CHN2: variants seen among roughly 807,000 people sequenced by gnomAD.
CHN2 encodes the protein chimerin 2.
CHN2 carries 35 observed loss-of-function variants against 56.3 expected under a neutral mutation model. That is an observed-to-expected ratio of 0.62 (90% CI 0.47 to 0.82). CHN2 has a LOEUF of 0.82. Ranked by LOEUF, CHN2 falls within the 40% of genes least tolerant of loss-of-function variation. The pLI is 0.00. For synonymous variants in CHN2, 210 were observed against 212.8 expected (o/e 0.99, Z 0.12); for missense variants, 491 against 580.5 (o/e 0.85, Z 1.58).
chr7:29,399,279 G>C (rs774085153), intron 5 of CHN2, among the ~76,000 whole-genome samples: 2 of 152,166 alleles, frequency 1.3e-5, no homozygotes, highest in Non-Finnish European at 2.9e-5. Context: ...CATGTTGAAG[G>C]AAGGGCTCCT....
chr7:29,203,158 T>A (rs983072611), intron 1 of CHN2, among the ~76,000 whole-genome samples: 14 of 152,178 alleles, frequency 9.2e-5, no homozygotes, highest in Non-Finnish European at 2.1e-4. Flanking sequence ...ATTGAATATA[T>A]GTTTAGGTGA....
intron 1 of CHN2, among the ~76,000 whole-genome samples, chr7:29,262,308 A>G (rs4722893): frequency 0.15 from 22,271 of 152,304 alleles, 2,469 homozygotes; most frequent in East Asian, 0.46. Flanking sequence ...AGAATATTTC[A>G]TATCACAAAT....
intron 6 of CHN2, among the ~76,000 whole-genome samples, chr7:29,437,249 G>A (rs1783293806): frequency 6.6e-6 from 1 of 152,182 alleles, no homozygotes; most frequent in South Asian, 2.1e-4. Flanking sequence ...ATCTGTACCT[G>A]ACCTAGTAGA....
chr7:29,283,876 C>T (rs1342848493), intron 1 of CHN2, among the ~76,000 whole-genome samples: 1 of 148,604 alleles, frequency 6.7e-6, no homozygotes, highest in African/African-American at 2.5e-5. Flanking sequence ...CTCTGCCTCC[C>T]AAAATGTTGG....
intron 1 of CHN2, among the ~76,000 whole-genome samples, chr7:29,290,952 C>T (rs1430687060): frequency 6.6e-6 from 1 of 152,100 alleles, no homozygotes; most frequent in Non-Finnish European, 1.5e-5. Flanking sequence ...TGTGGTTAGA[C>T]CTTTGACTTG....
At chr7:29,376,649 G>C (rs184699635) in intron 3 of CHN2, among the ~76,000 whole-genome samples, 1 of 152,280 alleles carries the variant, frequency 6.6e-6, no homozygotes, top group East Asian at 1.9e-4. Context: ...TAATCCCTTA[G>C]GATAGAAGAC....
At chr7:29,337,858 A>G (rs1796744313) in intron 1 of CHN2, among the ~76,000 whole-genome samples, 1 of 152,156 alleles carries the variant, frequency 6.6e-6, no homozygotes, top group Non-Finnish European at 1.5e-5. Flanking sequence ...AGTGTTGCTA[A>G]TGCAGTGCGT....
At chr7:29,254,330 G>A (rs1788890691) in intron 1 of CHN2, among the ~76,000 whole-genome samples, 1 of 152,230 alleles carries the variant, frequency 6.6e-6, no homozygotes, top group Non-Finnish European at 1.5e-5. Flanking sequence ...TGAATTAATG[G>A]AGGAGACTAG....
intron 6 of CHN2, among the ~76,000 whole-genome samples, chr7:29,411,669 C>G (rs1585304292): frequency 6.6e-6 from 1 of 152,188 alleles, no homozygotes. Flanking sequence ...CTTTCACCCT[C>G]TTTCTGCTTG....
chr7:29,494,972 A>AAAT (rs1789106352), intron 7 of CHN2, among the ~76,000 whole-genome samples: 2 of 150,598 alleles, frequency 1.3e-5, no homozygotes, highest in South Asian at 4.2e-4. Flanking sequence ...AAAAAAAAAA[A>AAAT]AAAAAAAAAT....
chr7:29,471,862 C>T (rs1016746628), intron 6 of CHN2, among the ~76,000 whole-genome samples: 8 of 152,138 alleles, frequency 5.3e-5, no homozygotes, highest in African/African-American at 1.4e-4. Flanking sequence ...GCAGGAAAGA[C>T]GGCAGGTCCC....
chr7:29,294,777 T>C (rs753629745), intron 1 of CHN2, among the ~76,000 whole-genome samples: 18 of 152,234 alleles, frequency 1.2e-4, no homozygotes, highest in Non-Finnish European at 2.2e-4. Flanking sequence ...CCTCCCTGCC[T>C]GTTCTCACGT....
intron 3 of CHN2, among the ~76,000 whole-genome samples, chr7:29,391,585 G>A (rs1801376078): frequency 6.6e-6 from 1 of 152,146 alleles, no homozygotes; most frequent in Non-Finnish European, 1.5e-5. Context: ...TTCATTTTCA[G>A]AAGATTTGTC....
rs183756403 is a variant in CHN2 at position 29,268,722 on chromosome 7, C to G, written c.49+73732C>G. Among the ~76,000 whole-genome samples, 450 of 152,278 alleles carry G rather than the reference C, an allele frequency of 3.0e-3. 3 individuals carry two copies. Among genetic ancestry groups the G allele is most frequent in the African/African-American group, 0.01 (429 of 41,560 alleles). On this transcript the variant is annotated intron_variant, in intron 1 of 12. Transcript: ENST00000222792. ...GGCTGCTGGGAGCCAAGGCCCTGCACGAGGCACAGCTCTCTCCCCAACACC... is the reference window on the plus strand; with the variant it reads ...GGCTGCTGGGAGCCAAGGCCCTGCAGGAGGCACAGCTCTCTCCCCAACACC...
chr7:29,169,715 T>C (rs939106425), intron 2 of CHN2, among the ~76,000 whole-genome samples: 1 of 152,062 alleles, frequency 6.6e-6, no homozygotes, highest in Admixed American at 6.6e-5. Context: ...ACACATTTGA[T>C]CCAGAAAAGC....
At chr7:29,421,452 A>C (rs1330736879) in intron 6 of CHN2, among the ~76,000 whole-genome samples, 1 of 151,660 alleles carries the variant, frequency 6.6e-6, no homozygotes, top group East Asian at 2.0e-4. Flanking sequence ...GAGGAATGTG[A>C]GGCTACTGGC....
chr7:29,258,216 G>C (rs112299223), intron 1 of CHN2, among the ~76,000 whole-genome samples: 17 of 152,304 alleles, frequency 1.1e-4, no homozygotes, highest in African/African-American at 3.8e-4. Flanking sequence ...TGAAGGAGTT[G>C]CTAGAGCAAC....
intron 1 of CHN2, among the ~76,000 whole-genome samples, chr7:29,229,643 G>A (rs977846618): frequency 3.3e-5 from 5 of 152,278 alleles, no homozygotes; most frequent in East Asian, 1.9e-4. Context: ...ATTGGAAAAC[G>A]AAGGCCTACC....
intron 2 of CHN2, among the ~76,000 whole-genome samples, chr7:29,152,802 A>G (rs1793784169): frequency 6.6e-6 from 1 of 152,240 alleles, no homozygotes; most frequent in Non-Finnish European, 1.5e-5. Flanking sequence ...TTGACAAGAA[A>G]CAGGCAAGCA....
Sources: allele counts gnomAD v4.1 joint callset (sites outside exome capture counted in the v4.1 genomes callset), GRCh38; gene constraint gnomAD v4.1.1; transcripts MANE v1.5; gene names NCBI Gene and HGNC (gene_info 2026-07-23, HGNC 2026-07-21).